EXOC6B: variants seen among roughly 807,000 people sequenced by gnomAD.
The protein encoded by EXOC6B is SEC15 homolog B.
Under a neutral mutation model 113.5 loss-of-function variants are expected in EXOC6B, and 54 were observed. The ratio of observed to expected loss-of-function variants is 0.48; its 90% confidence interval spans 0.38 to 0.60. The LOEUF (loss-of-function observed/expected upper bound fraction) is 0.60, where lower values mean the gene tolerates loss of function less well. Among genes scored for constraint, EXOC6B ranks in the 20% least tolerant of loss-of-function variants. The probability of loss-of-function intolerance (pLI) is 0.00; values close to 1 mark genes in which losing one functional copy is unlikely to be tolerated. For synonymous variants in EXOC6B, 357 were observed against 339.0 expected (o/e 1.05, Z -0.58); for missense variants, 797 against 977.5 (o/e 0.82, Z 2.46).
chr2:72,391,126 T>A (rs1239056492), intron 18 of EXOC6B, among the ~76,000 whole-genome samples: 1 of 152,180 alleles, frequency 6.6e-6, no homozygotes, highest in African/African-American at 2.4e-5. Context: ...GGTTTACACT[T>A]CATTTGTTGG....
chr2:72,720,722 C>T (rs561687004), intron 5 of EXOC6B, among the ~76,000 whole-genome samples: 2 of 152,060 alleles, frequency 1.3e-5, no homozygotes, highest in Middle Eastern at 6.8e-3. Flanking sequence ...CCACTGCATT[C>T]TAGCCTGGGT....
intron 5 of EXOC6B, among the ~76,000 whole-genome samples, chr2:72,727,895 T>A (rs1680401645): frequency 6.6e-6 from 1 of 151,958 alleles, no homozygotes; most frequent in Non-Finnish European, 1.5e-5. Context: ...AGTATATAAT[T>A]CCTATAAATG....
chr2:72,747,075 G>A (rs557985097), intron 1 of EXOC6B, among the ~76,000 whole-genome samples: 32 of 152,012 alleles, frequency 2.1e-4, no homozygotes, highest in Non-Finnish European at 3.5e-4. Context: ...GAGAGAGAGA[G>A]ACAAACTTCT....
chr2:72,423,248 G>A (rs1415383518), intron 18 of EXOC6B, among the ~76,000 whole-genome samples: 1 of 151,646 alleles, frequency 6.6e-6, no homozygotes, highest in African/African-American at 2.4e-5. Flanking sequence ...GAACCCACCA[G>A]AAGGAAGAAA....
intron 18 of EXOC6B, chr2:72,461,466 ATC>A (rs1434259608): frequency 1.3e-5 from 2 of 151,974 alleles, no homozygotes; most frequent in Non-Finnish European, 2.9e-5. Flanking sequence ...ATAAGATCAC[ATC>A]TCTTTTTCCA....
intron 6 of EXOC6B, among the ~76,000 whole-genome samples, chr2:72,581,962 AAC>A (rs1705250288): frequency 6.6e-6 from 1 of 152,094 alleles, no homozygotes; most frequent in African/African-American, 2.4e-5. Flanking sequence ...TCTCCCAATA[AAC>A]AAGGGTCAGA....
chr2:72,671,733 AAGAG>A (rs1053433924), intron 6 of EXOC6B, among the ~76,000 whole-genome samples: 4 of 146,260 alleles, frequency 2.7e-5, no homozygotes, highest in African/African-American at 5.1e-5. Context: ...GAAAGGAAGA[AAGAG>A]AGAGAGAGAC....
intron 20 of EXOC6B, among the ~76,000 whole-genome samples, chr2:72,226,440 T>A (rs900777443): frequency 5.9e-5 from 9 of 151,990 alleles, no homozygotes; most frequent in Non-Finnish European, 1.3e-4. Context: ...AAAGTTTATT[T>A]AAAAAAACAG....
chr2:72,625,390 T>C (rs2104223742), intron 6 of EXOC6B, among the ~76,000 whole-genome samples: 1 of 152,272 alleles, frequency 6.6e-6, no homozygotes, highest in Admixed American at 6.5e-5. Flanking sequence ...ATTACATAGT[T>C]AAACACATGT....
At chr2:72,818,650 T>C (rs1398825429) in intron 1 of EXOC6B, among the ~76,000 whole-genome samples, 3 of 152,182 alleles carry the variant, frequency 2.0e-5, no homozygotes, top group Non-Finnish European at 4.4e-5. Flanking sequence ...AAAACTCTCC[T>C]GTACTTTCCC....
intron 20 of EXOC6B, among the ~76,000 whole-genome samples, chr2:72,217,661 T>C (rs1356080822): frequency 2.0e-5 from 3 of 151,680 alleles, no homozygotes; most frequent in Admixed American, 1.3e-4. Flanking sequence ...GACACAAGAG[T>C]GGAGGTCAGG....
intron 19 of EXOC6B, among the ~76,000 whole-genome samples, chr2:72,364,889 C>G (rs1414393108): frequency 6.6e-6 from 1 of 152,114 alleles, no homozygotes; most frequent in Non-Finnish European, 1.5e-5. Flanking sequence ...CCTTTCCTTC[C>G]TTTTCTTTAT....
chr2:72,215,463 C>T (rs1485990282), intron 20 of EXOC6B, among the ~76,000 whole-genome samples: 4 of 152,130 alleles, frequency 2.6e-5, no homozygotes, highest in Non-Finnish European at 2.9e-5. Context: ...AGAAAGAAAT[C>T]GTTATGATCA....
rs554359630 is a variant in EXOC6B at position 72,466,702 on chromosome 2, T to C, written c.1801-1363A>G. Among the ~76,000 whole-genome samples, 3 of 152,314 alleles carry C rather than the reference T, an allele frequency of 2.0e-5. No homozygotes were observed. In the East Asian group the frequency reaches 5.8e-4, roughly 29 times the overall value. ...AAATTATATATTTGTGACGTACAAC[T>C]TGATTTTTGAAATATGTATACACTG... On this transcript the variant is annotated intron_variant, in intron 17 of 21. Transcript: ENST00000272427.
At position 72,179,382 on chromosome 2, in the gene EXOC6B, T is replaced by C; in HGVS notation, c.2389A>G (p.Thr797Ala). The C allele has an allele frequency of 6.2e-7, 1 of 1,613,600 alleles. No individual in the cohort carries two copies. The highest frequency in any genetic ancestry group is 8.5e-7 in the Non-Finnish European group (1 of 1,179,788). The change falls in exon 22 of 22, where the codon ACC (threonine) becomes GCC (alanine). Residue 797 changes from threonine to alanine, a missense_variant. Thr to Ala is a moderately conservative substitution (Grantham distance 58, BLOSUM62 0). Transcript: ENST00000272427. ...NERDKQKLID[T>A]VAKQLRGLIS... The stretch of plus-strand genomic sequence containing the variant: ...AGTCCTCGGAGCTGCTTGGCCACGG[T>C]GTCAATGAGTTTCTGCTTGTCTCGC...
At chr2:72,184,857 G>A (rs917222209) in intron 20 of EXOC6B, among the ~76,000 whole-genome samples, 5 of 152,206 alleles carry the variant, frequency 3.3e-5, no homozygotes, top group Non-Finnish European at 7.3e-5. Flanking sequence ...TGAAATCAGG[G>A]CCATAGTAGA....
chr2:72,713,977 G>A (rs1679438433), intron 6 of EXOC6B, among the ~76,000 whole-genome samples: 1 of 152,096 alleles, frequency 6.6e-6, no homozygotes. Flanking sequence ...GAAGTGAGAT[G>A]TGCCACTTAT....
intron 20 of EXOC6B, among the ~76,000 whole-genome samples, chr2:72,214,655 C>G (rs186506753): frequency 6.6e-6 from 1 of 152,202 alleles, no homozygotes; most frequent in East Asian, 1.9e-4. Context: ...ATCAGCTGAT[C>G]TGCAGTTAGA....
At chr2:72,550,359 A>G (rs1356474700) in intron 8 of EXOC6B, among the ~76,000 whole-genome samples, 2 of 152,286 alleles carry the variant, frequency 1.3e-5, no homozygotes, top group African/African-American at 2.4e-5. Context: ...GAAGTTATAC[A>G]TGCTTTGGTC....
Sources: gnomAD v4.1 joint callset for allele counts (sites outside exome capture counted in the v4.1 genomes callset) on GRCh38, gnomAD v4.1.1 for gene constraint, MANE v1.5 for transcripts, NCBI Gene and HGNC (gene_info 2026-07-23, HGNC 2026-07-21) for gene names.